Variants in GREM2 observed in about 807,000 individuals in gnomAD.
GREM2 encodes the protein gremlin 2, DAN family BMP antagonist.
A neutral mutation model predicts 14.2 loss-of-function variants in GREM2; 11 were observed. The ratio of observed to expected loss-of-function variants is 0.78; its 90% confidence interval spans 0.49 to 1.28. The LOEUF is 1.28. GREM2 is among the 50% of genes most tolerant of loss of function. The pLI is 0.00. For synonymous variants in GREM2, 98 were observed against 97.6 expected (o/e 1.00, Z -0.02); for missense variants, 210 against 218.5 (o/e 0.96, Z 0.24).
intron 1 of GREM2, chr1:240,550,098 C>T (rs995468936): frequency 2.6e-5 from 4 of 152,190 alleles, no homozygotes; most frequent in African/African-American, 9.7e-5. Flanking sequence ...CTCTGCTCAC[C>T]ACAATCTCCC....
At chr1:240,523,712 A>G (rs781130995) in intron 1 of GREM2, among the ~76,000 whole-genome samples, 5 of 152,246 alleles carry the variant, frequency 3.3e-5, no homozygotes, top group Non-Finnish European at 5.9e-5. Flanking sequence ...CAGGATTGCA[A>G]TGAAAAATCT....
At chr1:240,544,288 C>T (rs1416936174) in intron 1 of GREM2, among the ~76,000 whole-genome samples, 7 of 152,046 alleles carry the variant, frequency 4.6e-5, no homozygotes, top group Non-Finnish European at 1.0e-4. Context: ...GCTGGGACTA[C>T]AGGCACCTGC....
At chr1:240,560,430 C>T (rs6666466) in intron 1 of GREM2, among the ~76,000 whole-genome samples, 5,882 of 152,182 alleles carry the variant, frequency 0.039, 315 homozygotes, top group African/African-American at 0.12. Flanking sequence ...ACACTGTAAG[C>T]TCCTTGAGAG....
intron 1 of GREM2, among the ~76,000 whole-genome samples, chr1:240,587,322 CT>C (rs142154303): frequency 1.7e-4 from 25 of 149,790 alleles, no homozygotes; most frequent in Admixed American, 1.4e-3. Context: ...TTTCTTTTTT[CT>C]TTTTTTTGGG....
At chr1:240,595,872 G>C (rs1191175879) in intron 1 of GREM2, among the ~76,000 whole-genome samples, 1 of 152,176 alleles carries the variant, frequency 6.6e-6, no homozygotes, top group Non-Finnish European at 1.5e-5. Flanking sequence ...AAGTGTTTTA[G>C]AGGCAGACAG....
chr1:240,495,495 G>GCAAA (rs1347306480), intron 1 of GREM2, among the ~76,000 whole-genome samples: 6 of 152,054 alleles, frequency 3.9e-5, no homozygotes, highest in Admixed American at 3.3e-4. Flanking sequence ...AATGGTAATA[G>GCAAA]CAAATATTTA....
chr1:240,520,811 G>A (rs1049454176), intron 1 of GREM2, among the ~76,000 whole-genome samples: 2 of 151,682 alleles, frequency 1.3e-5, no homozygotes, highest in Admixed American at 6.6e-5. Context: ...CCAAAGTGCT[G>A]GAATTGTAGA....
chr1:240,523,459 C>A (rs950481132), intron 1 of GREM2, among the ~76,000 whole-genome samples: 2 of 152,154 alleles, frequency 1.3e-5, no homozygotes, highest in African/African-American at 2.4e-5. Context: ...CAAAAATGTT[C>A]CCCAGACATC....
intron 1 of GREM2, among the ~76,000 whole-genome samples, chr1:240,498,638 G>GC (rs1336263235): frequency 6.6e-6 from 1 of 152,148 alleles, no homozygotes; most frequent in Non-Finnish European, 1.5e-5. Context: ...CATGTCAGCG[G>GC]CCCCGCCAGG....
intron 1 of GREM2, among the ~76,000 whole-genome samples, chr1:240,588,251 C>T (rs1182288593): frequency 2.0e-5 from 3 of 152,210 alleles, no homozygotes; most frequent in Non-Finnish European, 4.4e-5. Context: ...GCTTAGAATG[C>T]ACCTTTTATT....
chr1:240,585,793 A>G (rs1476174556), intron 1 of GREM2, among the ~76,000 whole-genome samples: 1 of 151,718 alleles, frequency 6.6e-6, no homozygotes, highest in Non-Finnish European at 1.5e-5. Flanking sequence ...GGGCCCCTCA[A>G]AAGGTCACAG....
intron 1 of GREM2, among the ~76,000 whole-genome samples, chr1:240,508,878 A>AC (rs1572370395): frequency 6.6e-6 from 1 of 152,156 alleles, no homozygotes; most frequent in East Asian, 1.9e-4. Context: ...TTTAATAAGC[A>AC]CCCCATACTC....
chr1:240,586,889 T>C (rs1572412366), intron 1 of GREM2, among the ~76,000 whole-genome samples: 1 of 152,244 alleles, frequency 6.6e-6, no homozygotes. Flanking sequence ...CTACTGAAAG[T>C]GAATTAAACT....
chr1:240,563,030 ATGAGTGTGTATG>A, intron 1 of GREM2, among the ~76,000 whole-genome samples: 1 of 137,166 alleles, frequency 7.3e-6, no homozygotes. Context: ...ATGTGTGTAT[ATGAGTGTGTATG>A]TGTGTATGTG....
At chr1:240,606,147 TA>T (rs1680020360) in intron 1 of GREM2, among the ~76,000 whole-genome samples, 1 of 152,206 alleles carries the variant, frequency 6.6e-6, no homozygotes, top group South Asian at 2.1e-4. Context: ...ATCCTAGCTC[TA>T]AATTAGCTGC....
intron 1 of GREM2, among the ~76,000 whole-genome samples, chr1:240,592,142 G>C (rs1679727599): frequency 6.6e-6 from 1 of 152,178 alleles, no homozygotes. Flanking sequence ...AGACAGGCAG[G>C]TAAATTTGCT....
chr1:240,582,330 G>A (rs1353572984), intron 1 of GREM2, among the ~76,000 whole-genome samples: 1 of 152,142 alleles, frequency 6.6e-6, no homozygotes, highest in Non-Finnish European at 1.5e-5. Context: ...AACTATTCGG[G>A]AGGCTGAGGC....
At position 240,543,107 on chromosome 1, in the gene GREM2, TG is replaced by T. The variant is rs1165872010; in HGVS notation, c.-1-49632del. 1.3e-5 allele frequency among the ~76,000 whole-genome samples: 2 copies of T among 152,224 alleles called. No homozygotes were observed. Among genetic ancestry groups the T allele is most frequent in the Non-Finnish European group, 2.9e-5 (2 of 68,042 alleles). ...TTCAAAAGCATTTCCTCGATCACTC[TG>T]TCATGATTATTTGACTATTATTTTA... On this transcript the variant is annotated intron_variant, in intron 1 of 1. Coordinates refer to ENST00000318160, the MANE Select transcript of GREM2 (RefSeq NM_022469.4). The surrounding 1 kb of genome is among the most constrained non-coding windows in gnomAD (Gnocchi z 6.4).
At chr1:240,586,670 C>G (rs1045499460) in intron 1 of GREM2, among the ~76,000 whole-genome samples, 1 of 152,202 alleles carries the variant, frequency 6.6e-6, no homozygotes, top group African/African-American at 2.4e-5. Flanking sequence ...GATGTTTGTA[C>G]ACAGAGAATA....
Sources: allele counts gnomAD v4.1 joint callset (sites outside exome capture counted in the v4.1 genomes callset), GRCh38; gene constraint gnomAD v4.1.1; non-coding constraint Gnocchi (gnomAD v3.1); transcripts MANE v1.5; gene names NCBI Gene and HGNC (gene_info 2026-07-23, HGNC 2026-07-21).